MEI4: variants seen among roughly 807,000 people sequenced by gnomAD.
MEI4 encodes the protein meiotic double-stranded break formation protein 4.
A neutral mutation model predicts 31.4 loss-of-function variants in MEI4; 27 were observed. The observed-to-expected ratio is 0.86, with a 90% CI of 0.63 to 1.19. The LOEUF (loss-of-function observed/expected upper bound fraction) is 1.19. MEI4 is among the 50% of genes most tolerant of loss of function. The pLI is 0.00. For synonymous variants in MEI4, 122 were observed against 145.4 expected (o/e 0.84, Z 1.16); for missense variants, 329 against 398.9 (o/e 0.82, Z 1.49).
At chr6:77,691,053 G>A in intron 2 of MEI4, 150 bp downstream of exon 2, 1 of 412,232 alleles carries the variant, frequency 2.4e-6, no homozygotes, top group Non-Finnish European at 4.2e-6. Context: ...TTTACTTCTG[G>A]TCATTCATTA....
intron 4 of MEI4, among the ~76,000 whole-genome samples, chr6:77,889,924 A>G (rs1028938673): frequency 1.3e-5 from 2 of 152,214 alleles, no homozygotes; most frequent in Non-Finnish European, 2.9e-5. Context: ...GGTTGGGCCT[A>G]TGGGTACACA....
At chr6:77,805,447 A>C (rs1769405141) in intron 3 of MEI4, among the ~76,000 whole-genome samples, 1 of 152,142 alleles carries the variant, frequency 6.6e-6, no homozygotes. Flanking sequence ...CTTTTATGTA[A>C]GATCAACTTA....
At chr6:77,655,859 T>C (rs1259338173) in intron 1 of MEI4, among the ~76,000 whole-genome samples, 1 of 152,170 alleles carries the variant, frequency 6.6e-6, no homozygotes, top group Non-Finnish European at 1.5e-5. Flanking sequence ...ATTATACTCC[T>C]TAGATTTTGG....
rs1487694919 is a variant in MEI4 at position 77,702,918 on chromosome 6, C to G, written c.232+12015C>G. Among the ~76,000 whole-genome samples the G allele has an allele frequency of 2.0e-5, 3 of 152,146 alleles. No homozygotes were observed. The East Asian group carries it at 5.8e-4, about 29-fold the overall frequency. ...TTGGTCTGGCTGTGTACTATTCTTTCTTTTGTCATGCAGTTTCGATACCAC... is the reference window on the plus strand; with the variant it reads ...TTGGTCTGGCTGTGTACTATTCTTTGTTTTGTCATGCAGTTTCGATACCAC... On this transcript the variant is annotated intron_variant, in intron 2 of 4. Coordinates refer to ENST00000684080, the MANE Select transcript of MEI4 (RefSeq NM_001322247.2).
intron 2 of MEI4, among the ~76,000 whole-genome samples, chr6:77,719,604 A>G (rs1434252019): frequency 1.7e-5 from 2 of 118,558 alleles, no homozygotes; most frequent in African/African-American, 6.7e-5. Flanking sequence ...TTATCCATCC[A>G]TGTGACTGCC....
intron 2 of MEI4, among the ~76,000 whole-genome samples, chr6:77,729,107 A>G (rs1222676151): frequency 6.6e-6 from 1 of 152,358 alleles, no homozygotes; most frequent in Non-Finnish European, 1.5e-5. Context: ...ACAAATTAAC[A>G]TGAACTCATA....
rs1460786524 is a variant in MEI4 at position 77,772,440 on chromosome 6, C to A, written c.768+10775C>A. On this transcript the variant is annotated intron_variant, in intron 3 of 4. Coordinates refer to ENST00000684080, the MANE Select transcript of MEI4 (RefSeq NM_001322247.2). ...ACACAAATCAATCAATGTGATACATCATATTATCAGAATGAATGACAAAAA... is the reference window on the plus strand; with the variant it reads ...ACACAAATCAATCAATGTGATACATAATATTATCAGAATGAATGACAAAAA... 5.3e-5 allele frequency among the ~76,000 whole-genome samples: 8 copies of A among 151,992 alleles called. No homozygotes were observed. In the East Asian group the frequency reaches 1.5e-3, roughly 29 times the overall value.
intron 4 of MEI4, among the ~76,000 whole-genome samples, chr6:77,850,437 G>A (rs886182467): frequency 9.2e-5 from 14 of 152,068 alleles, no homozygotes; most frequent in African/African-American, 3.4e-4. Context: ...CCAAAACAGA[G>A]ATAGAGACCA....
At chr6:77,783,599 T>G (rs1247825294) in intron 3 of MEI4, among the ~76,000 whole-genome samples, 4 of 151,888 alleles carry the variant, frequency 2.6e-5, no homozygotes, top group Non-Finnish European at 5.9e-5. Flanking sequence ...GGAAGCAAGT[T>G]TTTCTAAAAT....
Position 77,923,292 on chromosome 6 carries a change from A to G in MEI4, c.1104A>G (p.Leu368=). 1.6e-6 allele frequency: 2 copies of G among 1,230,206 alleles called. No individual in the cohort carries two copies. Among genetic ancestry groups the G allele is most frequent in the South Asian group, 8.2e-5 (2 of 24,298 alleles). The allele number at this position is 1,230,206 out of a possible 1,614,324, so 76.2% of individuals were successfully genotyped here. Residue 368 remains leucine, a synonymous_variant, in exon 5 of 5, where the codon TTA becomes TTG. Transcript: ENST00000684080. Reference sequence around the variant, plus strand: ...CATTTCCTTTGTTTACTTTTTATTTATGGAGAGTGGGCATTCTTTTGAGCT... The same window carrying G: ...CATTTCCTTTGTTTACTTTTTATTTGTGGAGAGTGGGCATTCTTTTGAGCT... ...SDAFPLFTFY[L]WRVGILLSSA...
intron 4 of MEI4, among the ~76,000 whole-genome samples, chr6:77,907,661 G>C (rs1390374979): frequency 1.3e-5 from 2 of 152,100 alleles, no homozygotes; most frequent in Admixed American, 1.3e-4. Flanking sequence ...CCAGTAATGG[G>C]ATGGCTGGGT....
At chr6:77,661,156 C>G (rs1413394796) in intron 1 of MEI4, among the ~76,000 whole-genome samples, 1 of 152,160 alleles carries the variant, frequency 6.6e-6, no homozygotes, top group Non-Finnish European at 1.5e-5. Flanking sequence ...AAAGTACTGT[C>G]CAATCCTTTT....
In MEI4 at chr6:77,883,717, GATAT is replaced by G. The variant is rs570185624; in HGVS notation, c.901-39348_901-39345del. On this transcript the variant is annotated intron_variant, in intron 4 of 4. Transcript: ENST00000684080. ...TATGCAATGAAATGCTATTATGTAA[GATAT>G]ATATATATATATATATATATATAAC... Among the ~76,000 whole-genome samples, 46 of 43,308 alleles carry G rather than the reference GATAT, an allele frequency of 1.1e-3. 2 individuals are homozygous for G. The highest frequency in any genetic ancestry group is 5.3e-3 in the African/African-American group (28 of 5,314). The allele number at this position is 43,308 out of a possible 152,430, so 28.4% of individuals were successfully genotyped here.
At chr6:77,920,134 C>T (rs987660781) in intron 4 of MEI4, among the ~76,000 whole-genome samples, 2 of 150,948 alleles carry the variant, frequency 1.3e-5, no homozygotes, top group African/African-American at 4.9e-5. Flanking sequence ...AGGGAATCCT[C>T]CCTAACTCAT....
chr6:77,732,354 A>T (rs1403704328), intron 2 of MEI4, among the ~76,000 whole-genome samples: 1 of 151,846 alleles, frequency 6.6e-6, no homozygotes, highest in Non-Finnish European at 1.5e-5. Flanking sequence ...ATCCCTTGTA[A>T]TTTGGATTCC....
chr6:77,807,677 G>T (rs961185094), intron 3 of MEI4, among the ~76,000 whole-genome samples: 2 of 152,166 alleles, frequency 1.3e-5, no homozygotes, highest in Non-Finnish European at 2.9e-5. Context: ...AGCTTGAACA[G>T]TGCTTGTCAT....
At chr6:77,750,406 A>G (rs2127677511) in intron 2 of MEI4, among the ~76,000 whole-genome samples, 1 of 152,338 alleles carries the variant, frequency 6.6e-6, no homozygotes, top group East Asian at 1.9e-4. Context: ...CATAGGCTCA[A>G]AATAAAGGGA....
In MEI4 at chr6:77,805,475, G is replaced by T. The variant is rs185868863; in HGVS notation, c.769-23456G>T. 1.4e-3 allele frequency among the ~76,000 whole-genome samples: 212 copies of T among 152,172 alleles called. 3 individuals carry two copies. The highest frequency in any genetic ancestry group is 0.014 in the Admixed American group (211 of 15,278). On this transcript the variant is annotated intron_variant, in intron 3 of 4. Transcript: ENST00000684080. ...TCAACTTAAGAAAACTGTGTTGGGGGAACATTATTGCTCAAGGTCTAAAAA... is the reference window on the plus strand; with the variant it reads ...TCAACTTAAGAAAACTGTGTTGGGGTAACATTATTGCTCAAGGTCTAAAAA...
chr6:77,786,366 T>A (rs189963259), intron 3 of MEI4, among the ~76,000 whole-genome samples: 15 of 152,230 alleles, frequency 9.9e-5, no homozygotes, highest in African/African-American at 3.6e-4. Context: ...TAGAGTAATA[T>A]ATATTGAATA....
Sources: allele counts gnomAD v4.1 joint callset (sites outside exome capture counted in the v4.1 genomes callset), GRCh38; gene constraint gnomAD v4.1.1; transcripts MANE v1.5; gene names NCBI Gene and HGNC (gene_info 2026-07-23, HGNC 2026-07-21).